The following SH3RF3 variants were observed in gnomAD, a reference collection of about 807,000 sequenced individuals.
SH3RF3 encodes the protein E3 ubiquitin-protein ligase SH3RF3.
Under a neutral mutation model 66.3 loss-of-function variants are expected in SH3RF3, and 29 were observed. That is an observed-to-expected ratio of 0.44 (90% CI 0.33 to 0.60). The LOEUF is 0.60. SH3RF3 is among the 20% of genes least tolerant of loss of function. SH3RF3 has a pLI of 0.04. For missense variants in SH3RF3, 1,194 were observed against 1,190.9 expected, an observed-to-expected ratio of 1.00 and a Z score of -0.04; for synonymous variants, 583 against 532.0, an observed-to-expected ratio of 1.10 and a Z score of -1.32.
rs117995570 is a variant in SH3RF3, at chr2:109,334,916, G to T, written c.574-12758G>T. The stretch of plus-strand genomic sequence containing the variant: ...GAGAAGCCTTCTTTTTGCTTTTTAG[G>T]CTGGCCTTCCTGGAAAGGTTCTGCT... On this transcript the variant is annotated intron_variant, in intron 1 of 9. Transcript: ENST00000309415. Among the ~76,000 whole-genome samples, 1,277 of 152,246 alleles carry T rather than the reference G, an allele frequency of 8.4e-3. 15 individuals carry two copies. Among genetic ancestry groups the T allele is most frequent in the East Asian group, 0.045 (231 of 5,166 alleles).
At chr2:109,423,260 C>T (rs1011889826) in intron 5 of SH3RF3, among the ~76,000 whole-genome samples, 2 of 152,120 alleles carry the variant, frequency 1.3e-5, no homozygotes, top group African/African-American at 4.8e-5. Flanking sequence ...TTTCATCCTC[C>T]CCTGCTGAGG....
intron 2 of SH3RF3, among the ~76,000 whole-genome samples, chr2:109,348,852 C>G (rs1419890592): frequency 6.6e-6 from 1 of 152,136 alleles, no homozygotes; most frequent in Non-Finnish European, 1.5e-5. Flanking sequence ...ATGACAGAGC[C>G]AGAATCCTAA....
intron 1 of SH3RF3, among the ~76,000 whole-genome samples, chr2:109,230,395 G>A (rs1679477740): frequency 1.3e-5 from 2 of 151,738 alleles, no homozygotes; most frequent in Admixed American, 6.6e-5. Flanking sequence ...TGGCCAACAT[G>A]GTGAAACCCC....
intron 1 of SH3RF3, among the ~76,000 whole-genome samples, chr2:109,312,373 T>C (rs146681977): frequency 4.6e-5 from 7 of 152,320 alleles, no homozygotes; most frequent in Non-Finnish European, 7.4e-5. Context: ...GTATAATACT[T>C]ATAACATGAA....
At chr2:109,325,169 G>T (rs562863545) in intron 1 of SH3RF3, among the ~76,000 whole-genome samples, 2 of 152,002 alleles carry the variant, frequency 1.3e-5, no homozygotes, top group African/African-American at 4.8e-5. Flanking sequence ...CAACTCACTG[G>T]TCTTTAATTT....
intron 1 of SH3RF3, among the ~76,000 whole-genome samples, chr2:109,319,675 A>G (rs191285719): frequency 5.9e-5 from 9 of 152,188 alleles, no homozygotes; most frequent in African/African-American, 2.2e-4. Flanking sequence ...TCTCTTTTTA[A>G]AGTGTGCGAT....
At position 109,393,233 on chromosome 2, in the gene SH3RF3, C is replaced by T. The variant is rs1236320563; in HGVS notation, c.946-5357C>T. Among the ~76,000 whole-genome samples, 4 of 152,238 alleles carry T rather than the reference C, an allele frequency of 2.6e-5. No individual in the cohort carries two copies. In the South Asian group the frequency reaches 6.2e-4, roughly 24 times the overall value. On this transcript the variant is annotated intron_variant, in intron 3 of 9. Coordinates refer to ENST00000309415, the MANE Select transcript of SH3RF3 (RefSeq NM_001099289.3). ...AGTGGGAGCTTCAGGGTAAGGCGAA[C>T]GCCCCACAGGAGTCTCTGGAACATG...
chr2:109,489,415 A>G (rs1023711863), intron 8 of SH3RF3, among the ~76,000 whole-genome samples: 2 of 152,204 alleles, frequency 1.3e-5, no homozygotes, highest in East Asian at 1.9e-4. Flanking sequence ...CTCTTAGACA[A>G]CCAGACCCCA....
At chr2:109,274,701 G>A (rs1680710387) in intron 1 of SH3RF3, among the ~76,000 whole-genome samples, 1 of 152,210 alleles carries the variant, frequency 6.6e-6, no homozygotes, top group Non-Finnish European at 1.5e-5. Flanking sequence ...TGTTCTGATA[G>A]ATAGAGGTCG....
chr2:109,409,084 C>T (rs1676523312), intron 4 of SH3RF3, among the ~76,000 whole-genome samples: 1 of 152,212 alleles, frequency 6.6e-6, no homozygotes, highest in Non-Finnish European at 1.5e-5. Context: ...TTGAGATTTT[C>T]ATTCACCAAA....
At chr2:109,443,209 A>C (rs1677617651) in intron 7 of SH3RF3, among the ~76,000 whole-genome samples, 1 of 152,254 alleles carries the variant, frequency 6.6e-6, no homozygotes, top group South Asian at 2.1e-4. Context: ...TTTATTTGAC[A>C]AAAGAGAAAA....
chr2:109,195,535 A>G (rs890647100), intron 1 of SH3RF3, among the ~76,000 whole-genome samples: 7 of 152,192 alleles, frequency 4.6e-5, no homozygotes, highest in Non-Finnish European at 8.8e-5. Context: ...AGGCCTGCTT[A>G]ATTAAGTTTC....
chr2:109,175,641 A>G (rs1489349764), intron 1 of SH3RF3, among the ~76,000 whole-genome samples: 4 of 152,184 alleles, frequency 2.6e-5, no homozygotes, highest in African/African-American at 9.7e-5. Flanking sequence ...TGGAAACCTT[A>G]TTTTTAAGGA....
chr2:109,423,908 A>G (rs1281831922), intron 5 of SH3RF3, among the ~76,000 whole-genome samples: 3 of 152,188 alleles, frequency 2.0e-5, no homozygotes, highest in African/African-American at 4.8e-5. Context: ...AGGTGGGGAA[A>G]TGGAGGAGAT....
chr2:109,423,670 G>A (rs1406813828), intron 5 of SH3RF3, among the ~76,000 whole-genome samples: 2 of 152,200 alleles, frequency 1.3e-5, no homozygotes, highest in Non-Finnish European at 2.9e-5. Context: ...CCCCCAAGAG[G>A]TGTCTCAGAG....
intron 2 of SH3RF3, among the ~76,000 whole-genome samples, chr2:109,366,045 G>C (rs1305926538): frequency 6.6e-6 from 1 of 151,564 alleles, no homozygotes; most frequent in Non-Finnish European, 1.5e-5. Context: ...TTAAATACTT[G>C]GTATTCACTG....
intron 3 of SH3RF3, among the ~76,000 whole-genome samples, chr2:109,375,884 G>T (rs1245320371): frequency 6.6e-6 from 1 of 152,236 alleles, no homozygotes; most frequent in Admixed American, 6.5e-5. Context: ...AGGGCGATGC[G>T]GGCTTCAGAG....
At chr2:109,249,504 T>TCTTC (rs1680011646) in intron 1 of SH3RF3, among the ~76,000 whole-genome samples, 2 of 30,946 alleles carry the variant, frequency 6.5e-5, no homozygotes, top group Non-Finnish European at 5.3e-5. Flanking sequence ...TTTCTTTCTT[T>TCTTC]CTTTCATTCT....
At chr2:109,418,009 C>G (rs1038765765) in intron 4 of SH3RF3, among the ~76,000 whole-genome samples, 6 of 152,200 alleles carry the variant, frequency 3.9e-5, no homozygotes, top group African/African-American at 1.2e-4. Context: ...GGCTCTCCCT[C>G]CCATCTGTGT....
Sources: gnomAD v4.1 joint callset for allele counts (sites outside exome capture counted in the v4.1 genomes callset) on GRCh38, gnomAD v4.1.1 for gene constraint, MANE v1.5 for transcripts, NCBI Gene and HGNC (gene_info 2026-07-23, HGNC 2026-07-21) for gene names.